TRPM3: variants seen among roughly 807,000 people sequenced by gnomAD.
TRPM3 encodes the protein transient receptor potential cation channel subfamily M member 3.
A neutral mutation model predicts 181.2 loss-of-function variants in TRPM3; 77 were observed. The observed-to-expected ratio is 0.42, with a 90% CI of 0.35 to 0.51. The LOEUF is 0.51. Among genes scored for constraint, TRPM3 ranks in the 20% least tolerant of loss-of-function variants. The probability of loss-of-function intolerance (pLI) is 0.01; values close to 1 mark genes in which losing one functional copy is unlikely to be tolerated. For missense variants in TRPM3, 1,759 were observed against 2,196.7 expected (o/e 0.80, Z 3.98); for synonymous variants, 745 against 796.4 (o/e 0.94, Z 1.09).
At chr9:70,822,737 G>A (rs1340863417) in intron 6 of TRPM3, among the ~76,000 whole-genome samples, 1 of 148,740 alleles carries the variant, frequency 6.7e-6, no homozygotes, top group Non-Finnish European at 1.5e-5. Flanking sequence ...TTTTACCACA[G>A]TTTCAAAAAC....
At chr9:71,027,465 T>C (rs867986286) in intron 1 of TRPM3, among the ~76,000 whole-genome samples, 9 of 152,290 alleles carry the variant, frequency 5.9e-5, no homozygotes, top group East Asian at 3.9e-4. Context: ...TGGGCTGAGA[T>C]GGATGAAATG....
At chr9:71,261,824 C>T (rs147265501) in intron 1 of TRPM3, among the ~76,000 whole-genome samples, 3 of 152,278 alleles carry the variant, frequency 2.0e-5, no homozygotes, top group Non-Finnish European at 4.4e-5. Flanking sequence ...CTGGGTATCA[C>T]CAGTGGAGGC....
chr9:70,791,511 C>T (rs1395115084), intron 6 of TRPM3, among the ~76,000 whole-genome samples: 1 of 152,098 alleles, frequency 6.6e-6, no homozygotes. Context: ...CTCTTATTAC[C>T]AGTTTCTATG....
At chr9:70,766,115 CA>C (rs1407812599) in intron 7 of TRPM3, among the ~76,000 whole-genome samples, 1 of 152,088 alleles carries the variant, frequency 6.6e-6, no homozygotes, top group Non-Finnish European at 1.5e-5. Context: ...TATACTATGG[CA>C]TTTGTGTCTC....
chr9:71,095,755 T>G (rs367597101), intron 1 of TRPM3, among the ~76,000 whole-genome samples: 1 of 93,828 alleles, frequency 1.1e-5, no homozygotes, highest in Admixed American at 1.5e-4. Flanking sequence ...TGAGACTCTG[T>G]GTCAAAAAAA....
In TRPM3 at chr9:70,916,771, T is replaced by A. The variant is rs143075509; in HGVS notation, c.178-52260A>T. The stretch of plus-strand genomic sequence containing the variant: ...AAAATACAAGCAGCACTTTGTTATA[T>A]GGAAAAATGCTTCAGCTCAGCAAGA... On this transcript the variant is annotated intron_variant, in intron 1 of 25. Transcript: ENST00000677713. Among the ~76,000 whole-genome samples, 3 of 151,386 alleles carry A rather than the reference T, an allele frequency of 2.0e-5. No individual in the cohort carries two copies. The East Asian group carries it at 5.8e-4, about 29-fold the overall frequency.
intron 1 of TRPM3, among the ~76,000 whole-genome samples, chr9:71,084,420 TAA>T (rs1391399317): frequency 1.3e-5 from 2 of 151,908 alleles, no homozygotes; most frequent in African/African-American, 2.4e-5. Context: ...CTGACTTTGG[TAA>T]AGTTTCAGGA....
chr9:71,020,418 T>C (rs7040504), intron 1 of TRPM3, among the ~76,000 whole-genome samples: 1,584 of 151,322 alleles, frequency 0.01, 32 homozygotes, highest in African/African-American at 0.036. Context: ...ATTGAGGCTA[T>C]GCTGAACCAT....
At chr9:71,443,264 T>C (rs2094158208) in intron 1 of TRPM3, among the ~76,000 whole-genome samples, 1 of 152,016 alleles carries the variant, frequency 6.6e-6, no homozygotes, top group African/African-American at 2.4e-5. Flanking sequence ...CATGAATTCA[T>C]AAAGCTTCCA....
chr9:70,932,856 C>G (rs1054417570), intron 1 of TRPM3, among the ~76,000 whole-genome samples: 1 of 152,122 alleles, frequency 6.6e-6, no homozygotes, highest in African/African-American at 2.4e-5. Context: ...TGTAGAACAT[C>G]TTAGGCAAAA....
intron 1 of TRPM3, among the ~76,000 whole-genome samples, chr9:71,348,515 G>A (rs1245402945): frequency 6.7e-6 from 1 of 149,106 alleles, no homozygotes; most frequent in Non-Finnish European, 1.5e-5. Flanking sequence ...TTCATAGTTT[G>A]GTAGTTGACT....
chr9:71,396,735 G>A (rs2093206454), intron 1 of TRPM3, among the ~76,000 whole-genome samples: 1 of 151,874 alleles, frequency 6.6e-6, no homozygotes, highest in South Asian at 2.1e-4. Context: ...GGCCGAGGTG[G>A]GCAGACCACA....
intron 24 of TRPM3, among the ~76,000 whole-genome samples, chr9:70,550,878 G>A (rs2046302047): frequency 6.6e-6 from 1 of 152,204 alleles, no homozygotes; most frequent in African/African-American, 2.4e-5. Context: ...TTCCTGAGGT[G>A]AGGAAGACCT....
At chr9:70,649,854 T>G (rs941842195) in intron 9 of TRPM3, among the ~76,000 whole-genome samples, 8 of 152,198 alleles carry the variant, frequency 5.3e-5, no homozygotes, top group Non-Finnish European at 8.8e-5. Context: ...TAAAGACACA[T>G]GCACATGAAT....
chr9:70,639,029 G>T (rs1399930038), intron 11 of TRPM3, 31 bp downstream of exon 11: 2 of 1,606,340 alleles, frequency 1.2e-6, no homozygotes, highest in Non-Finnish European at 1.7e-6. Flanking sequence ...AGAAAAAAAA[G>T]AAAATAAAAA....
intron 22 of TRPM3, among the ~76,000 whole-genome samples, chr9:70,558,508 C>T (rs2048289655): frequency 6.6e-6 from 1 of 152,126 alleles, no homozygotes; most frequent in South Asian, 2.1e-4. Flanking sequence ...TGAATTATTG[C>T]CAGGAGCCAG....
chr9:70,794,882 T>C lies in TRPM3; in HGVS notation c.974-10603A>G, dbSNP rs1158649835. 3.9e-5 allele frequency among the ~76,000 whole-genome samples: 6 copies of C among 152,336 alleles called. No homozygotes were observed. In the East Asian group the frequency reaches 1.2e-3, roughly 29 times the overall value. The stretch of plus-strand genomic sequence containing the variant: ...ATGTTGATACATAAAAAGTATACAG[T>C]TGGCCTTCTGCATCCGTGGGTTCTA... On this transcript the variant is annotated intron_variant, in intron 6 of 25. Coordinates refer to ENST00000677713, the MANE Select transcript of TRPM3 (RefSeq NM_001366145.2).
Position 70,536,837 on chromosome 9 carries a change from T to G in TRPM3, c.4276A>C (p.Ile1426Leu). ...VSAMDELHCD[I>L]DPLDNSVNIL... is the part of the protein sequence containing the mutation. ...TTCACGGAATTGTCCAGAGGGTCTATATCACAGTGGAGCTCATCCATAGCA... is the reference window on the plus strand; with the variant it reads ...TTCACGGAATTGTCCAGAGGGTCTAGATCACAGTGGAGCTCATCCATAGCA... Residue 1426 changes from isoleucine (I) to leucine (L), a missense_variant, in exon 26 of 26, where the codon ATA becomes CTA. Physicochemically the swap from Ile to Leu is conservative, Grantham distance 5 (BLOSUM62 2). This residue lies in a region of TRPM3 where 612 missense variants were observed against 590.0 expected (regional missense o/e 1.04). Coordinates refer to ENST00000677713, the MANE Select transcript of TRPM3 (RefSeq NM_001366145.2). 1 of 1,614,190 alleles carries G rather than the reference T, an allele frequency of 6.2e-7. No homozygotes were observed. Among genetic ancestry groups the G allele is most frequent in the Non-Finnish European group, 8.5e-7 (1 of 1,180,048 alleles).
chr9:70,792,061 T>C (rs937594652), intron 6 of TRPM3, among the ~76,000 whole-genome samples: 2 of 152,198 alleles, frequency 1.3e-5, no homozygotes, highest in African/African-American at 4.8e-5. Flanking sequence ...GCATGTGTAC[T>C]GAAAACTCTC....
Sources: gnomAD v4.1 joint callset for allele counts (sites outside exome capture counted in the v4.1 genomes callset) on GRCh38, gnomAD v4.1.1 for gene constraint, gnomAD v4.1.1 regional missense constraint, MANE v1.5 for transcripts, NCBI Gene and HGNC (gene_info 2026-07-23, HGNC 2026-07-21) for gene names.